Variants in CSMD1 observed in about 807,000 individuals in gnomAD.
The protein encoded by CSMD1 is CUB and sushi domain-containing protein 1.
A neutral mutation model predicts 417.5 loss-of-function variants in CSMD1; 213 were observed. The observed-to-expected ratio is 0.51, with a 90% CI of 0.46 to 0.57. CSMD1 has a LOEUF of 0.57. Ranked by LOEUF, CSMD1 falls within the 20% of genes least tolerant of loss-of-function variation. CSMD1 has a pLI of 0.00. For missense variants in CSMD1, 6,923 were observed against 4,529.7 expected (o/e 1.53, Z -15.17); for synonymous variants, 2,862 against 1,736.8 (o/e 1.65, Z -16.11).
At chr8:3,981,976 C>G (rs1972151) in intron 5 of CSMD1, among the ~76,000 whole-genome samples, 37,021 of 151,652 alleles carry the variant, frequency 0.24, 4,743 homozygotes, top group East Asian at 0.34. Flanking sequence ...TTGAGACCAT[C>G]CTGGCTAACA....
At chr8:4,689,835 C>A (rs565599578) in intron 1 of CSMD1, among the ~76,000 whole-genome samples, 1 of 152,036 alleles carries the variant, frequency 6.6e-6, no homozygotes, top group Non-Finnish European at 1.5e-5. Flanking sequence ...CTTTCTGGTG[C>A]CTTTAATACT....
chr8:4,102,300 T>C (rs554271612), intron 3 of CSMD1, among the ~76,000 whole-genome samples: 2 of 152,330 alleles, frequency 1.3e-5, no homozygotes, highest in South Asian at 2.1e-4. Flanking sequence ...GAAATCATGA[T>C]CTTAGCTTTT....
Position 2,941,762 on chromosome 8 carries a change from T to C in CSMD1, c.10535+710A>G, listed in dbSNP as rs1470141171. Among the ~76,000 whole-genome samples the C allele has an allele frequency of 3.9e-5, 6 of 152,186 alleles. No homozygotes were observed. The East Asian group carries it at 9.6e-4, about 24-fold the overall frequency. ...TACTACATATAAAGAGCTAAATTTG[T>C]ATTTGTTGAAGAAAGAAATCAATGA... On this transcript the variant is annotated intron_variant, in intron 69 of 69. Transcript: ENST00000635120.
At chr8:4,046,610 G>T (rs755309478) in intron 3 of CSMD1, among the ~76,000 whole-genome samples, 40 of 120,590 alleles carry the variant, frequency 3.3e-4, no homozygotes, top group African/African-American at 9.9e-4. Flanking sequence ...GTTGATTGTT[G>T]AGTCTTGATA....
At chr8:4,754,709 C>T (rs774286712) in intron 1 of CSMD1, among the ~76,000 whole-genome samples, 5 of 151,942 alleles carry the variant, frequency 3.3e-5, no homozygotes, top group Non-Finnish European at 7.4e-5. Flanking sequence ...TTTAGCCAAG[C>T]ATGGTGGTGG....
chr8:3,904,721 C>T (rs764415692), intron 5 of CSMD1, among the ~76,000 whole-genome samples: 1 of 149,906 alleles, frequency 6.7e-6, no homozygotes, highest in Non-Finnish European at 1.5e-5. Context: ...ACAGCAACCT[C>T]GGCCTCCCGG....
intron 5 of CSMD1, among the ~76,000 whole-genome samples, chr8:3,838,881 A>G (rs1802900496): frequency 9.6e-6 from 1 of 103,924 alleles, no homozygotes; most frequent in African/African-American, 4.4e-5. Flanking sequence ...ATATAATATT[A>G]ATTATAATAT....
chr8:4,125,186 A>T (rs2130956634), intron 3 of CSMD1, among the ~76,000 whole-genome samples: 1 of 152,268 alleles, frequency 6.6e-6, no homozygotes, highest in South Asian at 2.1e-4. Flanking sequence ...TTGGGGCCCC[A>T]AAATTACTAA....
At chr8:4,744,235 T>C (rs1232043682) in intron 1 of CSMD1, among the ~76,000 whole-genome samples, 1 of 152,130 alleles carries the variant, frequency 6.6e-6, no homozygotes, top group Non-Finnish European at 1.5e-5. Flanking sequence ...CACAGGCAAG[T>C]CCCCACTTGG....
intron 3 of CSMD1, among the ~76,000 whole-genome samples, chr8:4,412,208 ACC>A (rs1320905110): frequency 6.6e-6 from 1 of 151,876 alleles, no homozygotes; most frequent in African/African-American, 2.4e-5. Flanking sequence ...TTAAATTGTA[ACC>A]CCCAGTATTG....
intron 5 of CSMD1, among the ~76,000 whole-genome samples, chr8:3,970,280 T>A (rs1029942966): frequency 6.6e-6 from 1 of 152,180 alleles, no homozygotes; most frequent in Non-Finnish European, 1.5e-5. Context: ...TCCGAAGCCT[T>A]TGAAACAGTC....
intron 23 of CSMD1, among the ~76,000 whole-genome samples, chr8:3,315,259 G>T (rs571738701): frequency 6.6e-6 from 1 of 152,148 alleles, no homozygotes; most frequent in African/African-American, 2.4e-5. Flanking sequence ...GGATTCATCT[G>T]AATAGGAAGG....
intron 10 of CSMD1, among the ~76,000 whole-genome samples, chr8:3,517,539 G>C (rs529496984): frequency 1.4e-4 from 22 of 152,264 alleles, no homozygotes; most frequent in Admixed American, 9.8e-4. Flanking sequence ...AAGTCCCTGG[G>C]AGAATGGGAG....
chr8:3,882,136 C>A (rs988509742), intron 5 of CSMD1, among the ~76,000 whole-genome samples: 1 of 151,936 alleles, frequency 6.6e-6, no homozygotes, highest in African/African-American at 2.4e-5. Context: ...AAAATCATCA[C>A]AATTGGCTCC....
intron 5 of CSMD1, among the ~76,000 whole-genome samples, chr8:3,767,601 C>G (rs568730377): frequency 2.0e-5 from 3 of 152,138 alleles, no homozygotes; most frequent in Admixed American, 2.0e-4. Flanking sequence ...ATCTATCTCT[C>G]AACTATGTTT....
intron 1 of CSMD1, among the ~76,000 whole-genome samples, chr8:4,857,358 T>C (rs1490587413): frequency 6.6e-6 from 1 of 151,090 alleles, no homozygotes; most frequent in Non-Finnish European, 1.5e-5. Flanking sequence ...TTAAAAGAAT[T>C]AGAAAAGCAA....
intron 42 of CSMD1, among the ~76,000 whole-genome samples, chr8:3,114,016 G>C (rs117806712): frequency 0.03 from 4,562 of 152,190 alleles, 101 homozygotes; most frequent in Admixed American, 0.061. Context: ...CCAGGAGTTC[G>C]AGACTAGTCT....
chr8:3,403,008 G>A (rs1025609915), intron 15 of CSMD1, among the ~76,000 whole-genome samples: 2 of 152,096 alleles, frequency 1.3e-5, no homozygotes, highest in Admixed American at 1.3e-4. Flanking sequence ...TAGGCATTAA[G>A]GTTTGAGTTT....
At chr8:4,755,025 C>G (rs1285801961) in intron 1 of CSMD1, among the ~76,000 whole-genome samples, 2 of 152,048 alleles carry the variant, frequency 1.3e-5, no homozygotes, top group East Asian at 3.9e-4. Context: ...GTGATCCCAG[C>G]TACTTGGGAG....
Sources: gnomAD v4.1 joint callset for allele counts (sites outside exome capture counted in the v4.1 genomes callset) on GRCh38, gnomAD v4.1.1 for gene constraint, MANE v1.5 for transcripts, NCBI Gene and HGNC (gene_info 2026-07-23, HGNC 2026-07-21) for gene names.